Variants in ACOXL observed in about 807,000 individuals in gnomAD.
The protein encoded by ACOXL is acyl-CoA oxidase like.
Under a neutral mutation model 71.9 loss-of-function variants are expected in ACOXL, and 70 were observed. The ratio of observed to expected loss-of-function variants is 0.97; its 90% CI spans 0.80 to 1.19. ACOXL has a LOEUF of 1.19. Ranked by LOEUF, ACOXL falls within the 50% of genes most tolerant of loss-of-function variation. The pLI is 0.00. For missense variants in ACOXL, 703 were observed against 736.3 expected (o/e 0.95, Z 0.52); for synonymous variants, 253 against 281.6 (o/e 0.90, Z 1.02).
At chr2:110,787,707 T>C (rs971308028) in intron 3 of ACOXL, among the ~76,000 whole-genome samples, 1 of 152,106 alleles carries the variant, frequency 6.6e-6, no homozygotes, top group East Asian at 1.9e-4. Flanking sequence ...CACTCTCCTC[T>C]TCTTCTGGTT....
intron 9 of ACOXL, among the ~76,000 whole-genome samples, chr2:110,805,755 T>C (rs1439850431): frequency 6.6e-6 from 1 of 152,230 alleles, no homozygotes; most frequent in African/African-American, 2.4e-5. Flanking sequence ...TCGGCATGTC[T>C]TGGCTGAATT....
chr2:110,983,874 G>A (rs2062819878), intron 12 of ACOXL, among the ~76,000 whole-genome samples: 1 of 152,074 alleles, frequency 6.6e-6, no homozygotes, highest in Admixed American at 6.6e-5. Context: ...TTTGGAGACA[G>A]AGTCTCACTC....
Position 110,734,523 on chromosome 2 carries a change from G to C in ACOXL, c.-23+1749G>C, listed in dbSNP as rs943024725. Among the ~76,000 whole-genome samples, 4 of 152,038 alleles carry C rather than the reference G, an allele frequency of 2.6e-5. No individual in the cohort carries two copies. The South Asian group carries it at 8.3e-4, about 32-fold the overall frequency. ...TGACCTCAAGCGATCCGCCTGCCTC[G>C]GTCTCCCAAAGTGCTGGGACCTCAT... On this transcript the variant is annotated intron_variant, in intron 1 of 17. Coordinates refer to ENST00000439055, the MANE Select transcript of ACOXL (RefSeq NM_001142807.4).
chr2:110,784,046 G>T (rs1414852618), intron 2 of ACOXL, among the ~76,000 whole-genome samples: 1 of 152,186 alleles, frequency 6.6e-6, no homozygotes, highest in Admixed American at 6.5e-5. Context: ...CCTTGATATG[G>T]TCTATAGTTA....
chr2:111,116,850 G>GA (rs563277078), intron 17 of ACOXL, among the ~76,000 whole-genome samples: 16 of 152,094 alleles, frequency 1.1e-4, no homozygotes, highest in South Asian at 6.2e-4. Flanking sequence ...CTAAGCCATG[G>GA]AAAATGAAAT....
chr2:111,104,050 C>T (rs1054263753), intron 17 of ACOXL, among the ~76,000 whole-genome samples: 2 of 152,132 alleles, frequency 1.3e-5, no homozygotes, highest in African/African-American at 4.8e-5. Context: ...TTTGTCATTT[C>T]AGGAACGTTG....
chr2:110,971,648 G>A (rs910787462), intron 12 of ACOXL, among the ~76,000 whole-genome samples: 1 of 152,200 alleles, frequency 6.6e-6, no homozygotes, highest in East Asian at 1.9e-4. Context: ...GTATTAGAAT[G>A]AGGACAGTGG....
chr2:110,956,477 C>T (rs2149429543), intron 12 of ACOXL, among the ~76,000 whole-genome samples: 1 of 152,296 alleles, frequency 6.6e-6, no homozygotes, highest in African/African-American at 2.4e-5. Flanking sequence ...CTCCACTGGA[C>T]TCAGAATCCT....
intron 11 of ACOXL, among the ~76,000 whole-genome samples, chr2:110,926,159 AG>A (rs374709516): frequency 9.1e-4 from 139 of 152,336 alleles, no homozygotes; most frequent in African/African-American, 3.3e-3. Flanking sequence ...TCACCATAAC[AG>A]ATACAATAAT....
intron 2 of ACOXL, 21 bp from the exon 3 acceptor site, chr2:110,784,711 C>T (rs764041951): frequency 6.3e-6 from 10 of 1,575,914 alleles, no homozygotes; most frequent in Non-Finnish European, 8.6e-6. Flanking sequence ...AACCTTGATA[C>T]TGAGTCTATC....
chr2:110,815,618 T>C (rs1470825665), intron 9 of ACOXL, among the ~76,000 whole-genome samples: 2 of 152,204 alleles, frequency 1.3e-5, no homozygotes, highest in African/African-American at 2.4e-5. Flanking sequence ...ATGTGGCTTT[T>C]CCAGATTATT....
At chr2:110,968,648 G>T in intron 12 of ACOXL, 1 of 1,020,936 alleles carries the variant, frequency 9.8e-7, no homozygotes, top group East Asian at 2.4e-5. Context: ...AATGTCCATT[G>T]CCCAGAAGAA....
intron 12 of ACOXL, among the ~76,000 whole-genome samples, chr2:110,959,392 G>A (rs549642743): frequency 1.8e-4 from 27 of 152,296 alleles, no homozygotes; most frequent in African/African-American, 6.3e-4. Context: ...GCAGGAAGCC[G>A]TCTGCCTTTG....
chr2:110,926,954 A>G (rs2060294822), intron 11 of ACOXL, among the ~76,000 whole-genome samples: 1 of 152,060 alleles, frequency 6.6e-6, no homozygotes, highest in Non-Finnish European at 1.5e-5. Flanking sequence ...ACTGGGTTAT[A>G]TTAGTTTGTT....
chr2:110,810,487 A>C (rs564102090), intron 9 of ACOXL, among the ~76,000 whole-genome samples: 1 of 151,880 alleles, frequency 6.6e-6, no homozygotes, highest in Non-Finnish European at 1.5e-5. Flanking sequence ...GTGTCCATCC[A>C]CCTATCCACC....
At chr2:110,988,432 C>G (rs1045628182) in intron 13 of ACOXL, among the ~76,000 whole-genome samples, 2 of 151,744 alleles carry the variant, frequency 1.3e-5, no homozygotes, top group Non-Finnish European at 2.9e-5. Context: ...AGAGTGAGAC[C>G]TTGCCTAAAA....
At chr2:110,900,177 G>C (rs1217126271) in intron 10 of ACOXL, among the ~76,000 whole-genome samples, 1 of 150,850 alleles carries the variant, frequency 6.6e-6, no homozygotes. Flanking sequence ...TTCCCTCTCA[G>C]CAATCTCATT....
chr2:110,888,666 A>G (rs1697602316), intron 10 of ACOXL, among the ~76,000 whole-genome samples: 1 of 152,192 alleles, frequency 6.6e-6, no homozygotes, highest in African/African-American at 2.4e-5. Flanking sequence ...ATGGATTTCA[A>G]TCTGTGTGAG....
intron 12 of ACOXL, among the ~76,000 whole-genome samples, chr2:110,961,879 C>T (rs188797696): frequency 6.6e-6 from 1 of 152,334 alleles, no homozygotes; most frequent in Admixed American, 6.5e-5. Context: ...GAGACTTATT[C>T]ACTACCATGA....
Sources: allele counts gnomAD v4.1 joint callset (sites outside exome capture counted in the v4.1 genomes callset), GRCh38; gene constraint gnomAD v4.1.1; transcripts MANE v1.5; gene names NCBI Gene and HGNC (gene_info 2026-07-23, HGNC 2026-07-21).